Variants in LRRC1 observed in about 807,000 individuals in gnomAD.
LRRC1 encodes the protein leucine-rich repeat-containing protein 1.
LRRC1 carries 28 observed loss-of-function variants against 69.9 expected under a neutral mutation model. The ratio of observed to expected loss-of-function variants is 0.40; its 90% confidence interval spans 0.30 to 0.55. The LOEUF is 0.55. LRRC1 is among the 20% of genes least tolerant of loss of function. The pLI, the probability that LRRC1 is intolerant of heterozygous loss-of-function variation, is 0.47. For synonymous variants in LRRC1, 236 were observed against 240.2 expected (o/e 0.98, Z 0.16); for missense variants, 498 against 609.0 (o/e 0.82, Z 1.92).
intron 1 of LRRC1, among the ~76,000 whole-genome samples, chr6:53,799,118 A>G (rs77915854): frequency 0.19 from 28,462 of 152,268 alleles, 2,923 homozygotes; most frequent in Middle Eastern, 0.33. Context: ...AAGGCTTCAT[A>G]GCTTTAAAAA....
At chr6:53,879,799 G>A (rs1767220044) in intron 3 of LRRC1, among the ~76,000 whole-genome samples, 1 of 152,022 alleles carries the variant, frequency 6.6e-6, no homozygotes, top group South Asian at 2.1e-4. Context: ...CCGAGGCATG[G>A]CTGAGTGGCA....
At chr6:53,850,831 T>C (rs1766104332) in intron 2 of LRRC1, among the ~76,000 whole-genome samples, 1 of 152,230 alleles carries the variant, frequency 6.6e-6, no homozygotes, top group Admixed American at 6.5e-5. Flanking sequence ...GGCTTCTTTC[T>C]TCTTGTGATG....
rs554199313 is a variant in LRRC1, at chr6:53,851,706, G to GAC, written c.277+9489_277+9490dup. On this transcript the variant is annotated intron_variant, in intron 2 of 13. Coordinates refer to ENST00000370888, the MANE Select transcript of LRRC1 (RefSeq NM_018214.5). ...ACACCTAGTAAACATAGATACCACA[G>GAC]ACACACACACATGCGCACACACACA... Among the ~76,000 whole-genome samples, 391 of 151,834 alleles carry GAC rather than the reference G, an allele frequency of 2.6e-3. 1 individual carries two copies. The highest frequency in any genetic ancestry group is 8.8e-3 in the African/African-American group (363 of 41,416).
At chr6:53,848,415 C>T (rs1377054345) in intron 2 of LRRC1, among the ~76,000 whole-genome samples, 2 of 152,204 alleles carry the variant, frequency 1.3e-5, no homozygotes, top group African/African-American at 2.4e-5. Flanking sequence ...TTCCATTCTG[C>T]AAATTTCAGC....
At chr6:53,902,602 A>G (rs755496636) in intron 8 of LRRC1, 27 bp from the exon 9 acceptor site, 2 of 1,323,834 alleles carry the variant, frequency 1.5e-6, no homozygotes, top group South Asian at 1.4e-5. Flanking sequence ...AATGAATTTG[A>G]TAATAATAAT....
intron 2 of LRRC1, among the ~76,000 whole-genome samples, chr6:53,869,063 C>T (rs773451124): frequency 2.0e-5 from 3 of 152,132 alleles, no homozygotes; most frequent in Non-Finnish European, 2.9e-5. Context: ...TACCCAGGGG[C>T]GCAAACCTAA....
At chr6:53,849,267 C>G (rs1348903142) in intron 2 of LRRC1, among the ~76,000 whole-genome samples, 2 of 152,178 alleles carry the variant, frequency 1.3e-5, no homozygotes, top group African/African-American at 4.8e-5. Context: ...ATGCTACGCT[C>G]TGTGTTAGAT....
At chr6:53,906,983 G>C (rs545545413) in intron 10 of LRRC1, among the ~76,000 whole-genome samples, 2 of 152,326 alleles carry the variant, frequency 1.3e-5, no homozygotes, top group South Asian at 4.1e-4. Context: ...TAGCAGAAAT[G>C]GTTGAGTGCT....
At chr6:53,851,848 A>G (rs540220723) in intron 2 of LRRC1, among the ~76,000 whole-genome samples, 2 of 152,338 alleles carry the variant, frequency 1.3e-5, no homozygotes, top group Admixed American at 1.3e-4. Context: ...AACTGCACAT[A>G]AATGCATAAA....
At position 53,896,901 on chromosome 6, in the gene LRRC1, G is replaced by T; in HGVS notation, c.567+9G>T. 1 of 1,536,418 alleles carries T rather than the reference G, an allele frequency of 6.5e-7. No homozygotes were observed. Among genetic ancestry groups the T allele is most frequent in the Non-Finnish European group, 9.0e-7 (1 of 1,111,310 alleles). Reference sequence around the variant, plus strand: ...ATGAAATATATAATTTGGTAAGTCCGTATTAGAGATTTGAATTTAACTTTG... The same window carrying T: ...ATGAAATATATAATTTGGTAAGTCCTTATTAGAGATTTGAATTTAACTTTG... On this transcript the variant is annotated intron_variant, in intron 6 of 13. Transcript: ENST00000370888.
chr6:53,904,551 A>G (rs919446167), intron 10 of LRRC1, 89 bp downstream of exon 10: 3 of 874,182 alleles, frequency 3.4e-6, no homozygotes, highest in Non-Finnish European at 3.5e-6. Context: ...TGCTTTGAAA[A>G]GACGCATGTG....
intron 1 of LRRC1, among the ~76,000 whole-genome samples, chr6:53,814,513 G>A (rs1341484969): frequency 1.3e-5 from 2 of 152,164 alleles, no homozygotes; most frequent in Admixed American, 6.5e-5. Context: ...TAAACAATAA[G>A]AGAAGTGACT....
At chr6:53,878,130 G>A (rs182025430) in intron 2 of LRRC1, among the ~76,000 whole-genome samples, 3 of 152,076 alleles carry the variant, frequency 2.0e-5, no homozygotes, top group Non-Finnish European at 4.4e-5. Context: ...ATCAGGTCTC[G>A]TGAAACTTAC....
intron 2 of LRRC1, among the ~76,000 whole-genome samples, chr6:53,876,865 G>T (rs1767086579): frequency 1.3e-5 from 2 of 152,176 alleles, no homozygotes; most frequent in South Asian, 2.1e-4. Flanking sequence ...GGTGCACAGT[G>T]CTATCTGTTG....
chr6:53,912,721 A>C (rs973855244), intron 10 of LRRC1, among the ~76,000 whole-genome samples: 1 of 152,232 alleles, frequency 6.6e-6, no homozygotes, highest in Admixed American at 6.5e-5. Flanking sequence ...TATTTTATAC[A>C]TATATTAAAC....
chr6:53,879,413 G>C (rs1467180754), intron 3 of LRRC1, among the ~76,000 whole-genome samples: 1 of 152,150 alleles, frequency 6.6e-6, no homozygotes, highest in East Asian at 1.9e-4. Flanking sequence ...AGCCTCCTGA[G>C]TAGCTGGGAC....
At chr6:53,802,306 G>A (rs899194126) in intron 1 of LRRC1, among the ~76,000 whole-genome samples, 1 of 152,212 alleles carries the variant, frequency 6.6e-6, no homozygotes, top group African/African-American at 2.4e-5. Flanking sequence ...GTTTAGGCCA[G>A]AGGAAAAGAT....
chr6:53,843,158 A>C (rs976830188), intron 2 of LRRC1, among the ~76,000 whole-genome samples: 1 of 152,196 alleles, frequency 6.6e-6, no homozygotes, highest in African/African-American at 2.4e-5. Flanking sequence ...ACAAGGTCTG[A>C]ATTATTTATT....
At chr6:53,852,683 G>A (rs1157154029) in intron 2 of LRRC1, among the ~76,000 whole-genome samples, 1 of 152,192 alleles carries the variant, frequency 6.6e-6, no homozygotes, top group African/African-American at 2.4e-5. Context: ...AATAAGGGCA[G>A]AGCTGATAGT....
Sources: allele counts gnomAD v4.1 joint callset (sites outside exome capture counted in the v4.1 genomes callset), GRCh38; gene constraint gnomAD v4.1.1; transcripts MANE v1.5; gene names NCBI Gene and HGNC (gene_info 2026-07-23, HGNC 2026-07-21).